Variants in GLI2 observed in about 807,000 individuals in gnomAD.
The protein encoded by GLI2 is GLI family zinc finger 2, also known as transcription activator GLI2.
Under a neutral mutation model 78.9 loss-of-function variants are expected in GLI2, and 22 were observed. The observed-to-expected ratio is 0.28, with a 90% CI of 0.20 to 0.40. GLI2 has a LOEUF of 0.40. GLI2 is among the 10% of genes least tolerant of loss of function. GLI2 has a pLI of 1.00. For missense variants in GLI2, 2,097 were observed against 2,213.2 expected, an observed-to-expected ratio of 0.95 and a Z score of 1.05; for synonymous variants, 974 against 963.7, an observed-to-expected ratio of 1.01 and a Z score of -0.20.
At chr2:120,784,578 G>A (rs890045517) in intron 1 of GLI2, among the ~76,000 whole-genome samples, 1 of 152,040 alleles carries the variant, frequency 6.6e-6, no homozygotes, top group African/African-American at 2.4e-5. Flanking sequence ...CAGACAGTGG[G>A]GAGTCCCGAG....
At chr2:120,935,819 T>A (rs1041946609) in intron 3 of GLI2, among the ~76,000 whole-genome samples, 2 of 152,242 alleles carry the variant, frequency 1.3e-5, no homozygotes, top group African/African-American at 4.8e-5. Context: ...TAATGGAATC[T>A]GGCCTGTAAA....
At chr2:120,936,354 T>A (rs1202039607) in intron 3 of GLI2, among the ~76,000 whole-genome samples, 1 of 152,076 alleles carries the variant, frequency 6.6e-6, no homozygotes, top group Non-Finnish European at 1.5e-5. Flanking sequence ...CTGCTAACAT[T>A]AGAAGGAAAG....
intron 2 of GLI2, among the ~76,000 whole-genome samples, chr2:120,822,634 A>G (rs112366725): frequency 0.01 from 1,527 of 152,324 alleles, 21 homozygotes; most frequent in African/African-American, 0.034. Context: ...ACATATCATT[A>G]TGTTCTTCCC....
At chr2:120,945,542 A>T (rs78558959) in intron 3 of GLI2, among the ~76,000 whole-genome samples, 3,354 of 152,286 alleles carry the variant, frequency 0.022, 132 homozygotes, top group African/African-American at 0.077. Context: ...GGCAGTGGGA[A>T]GCTGTGTGGG....
intron 1 of GLI2, among the ~76,000 whole-genome samples, chr2:120,790,159 C>T (rs562511838): frequency 6.6e-6 from 1 of 152,108 alleles, no homozygotes. Flanking sequence ...TGTCTCCCTT[C>T]GTTGTCCTCA....
chr2:120,771,370 C>T (rs941811784), intron 1 of GLI2, among the ~76,000 whole-genome samples: 1 of 152,234 alleles, frequency 6.6e-6, no homozygotes, highest in Non-Finnish European at 1.5e-5. Flanking sequence ...TCTGTGACCT[C>T]GGGCAAATGG....
At chr2:120,896,938 G>A (rs972150618) in intron 2 of GLI2, among the ~76,000 whole-genome samples, 3 of 152,222 alleles carry the variant, frequency 2.0e-5, no homozygotes, top group Non-Finnish European at 4.4e-5. Flanking sequence ...AAGAAAAAAA[G>A]GGGATCATGA....
At chr2:120,759,196 T>C (rs530901629) in intron 1 of GLI2, among the ~76,000 whole-genome samples, 3 of 152,144 alleles carry the variant, frequency 2.0e-5, no homozygotes, top group African/African-American at 7.2e-5. Flanking sequence ...GTGTGGGGGT[T>C]TTTCTCCATA....
intron 2 of GLI2, among the ~76,000 whole-genome samples, chr2:120,914,287 C>G (rs905786726): frequency 3.9e-5 from 6 of 152,206 alleles, no homozygotes; most frequent in Non-Finnish European, 1.5e-5. Flanking sequence ...GCCACCTGGC[C>G]TAGCCCTGGC....
chr2:120,976,514 C>G (rs1437150478), intron 9 of GLI2, among the ~76,000 whole-genome samples: 1 of 152,290 alleles, frequency 6.6e-6, no homozygotes, highest in East Asian at 1.9e-4. Flanking sequence ...CTAGATGGAG[C>G]AGGGACCGTG....
chr2:120,958,462 G>A (rs998679027), intron 5 of GLI2, among the ~76,000 whole-genome samples: 5 of 152,090 alleles, frequency 3.3e-5, no homozygotes, highest in African/African-American at 9.7e-5. Flanking sequence ...CTCCAAGAGT[G>A]GCGTGTCACC....
chr2:120,912,643 G>A (rs533661036), intron 2 of GLI2, among the ~76,000 whole-genome samples: 10 of 152,334 alleles, frequency 6.6e-5, no homozygotes, highest in East Asian at 3.9e-4. Context: ...CCAGGCGTCC[G>A]AAAGTGTAAC....
At position 120,747,975 on chromosome 2, in the gene GLI2, C is replaced by G. The variant is rs565850813; in HGVS notation, c.-31+11690C>G. 2.0e-5 allele frequency among the ~76,000 whole-genome samples: 3 copies of G among 152,354 alleles called. No individual in the cohort carries two copies. The East Asian group carries it at 5.8e-4, about 29-fold the overall frequency. ...TACTTACTGGAACATCTGTTATGTG[C>G]CCGGCACTTATTAAGCTCACGGCTG... On this transcript the variant is annotated intron_variant, in intron 1 of 13. Coordinates refer to ENST00000361492, the MANE Select transcript of GLI2 (RefSeq NM_001374353.1).
rs559239896 is a variant in GLI2, at chr2:120,767,267, G to T, written c.-30-30024G>T. Among the ~76,000 whole-genome samples the T allele has an allele frequency of 4.6e-5, 7 of 152,004 alleles. No homozygotes were observed. The East Asian group carries it at 1.4e-3, about 30-fold the overall frequency. On this transcript the variant is annotated intron_variant, in intron 1 of 13. Coordinates refer to ENST00000361492, the MANE Select transcript of GLI2 (RefSeq NM_001374353.1). Reference sequence around the variant, plus strand: ...GTGGAGATTGCCGCCAGCACTGATCGCTTTTCCAAGGGTACAGCTGAGTGA... The same window carrying T: ...GTGGAGATTGCCGCCAGCACTGATCTCTTTTCCAAGGGTACAGCTGAGTGA...
At chr2:120,950,121 C>CAA (rs771712855) in intron 3 of GLI2, among the ~76,000 whole-genome samples, 20 of 152,312 alleles carry the variant, frequency 1.3e-4, no homozygotes, top group Non-Finnish European at 2.2e-4. Flanking sequence ...CTTTCATCCT[C>CAA]ACGACAACCC....
chr2:120,809,701 C>T (rs1380476824), intron 2 of GLI2, among the ~76,000 whole-genome samples: 1 of 152,190 alleles, frequency 6.6e-6, no homozygotes, highest in East Asian at 1.9e-4. Flanking sequence ...CAGGGAGGAC[C>T]CTGCTTCCCC....
intron 2 of GLI2, among the ~76,000 whole-genome samples, chr2:120,890,793 G>C (rs1022822233): frequency 6.6e-6 from 1 of 152,164 alleles, no homozygotes; most frequent in Admixed American, 6.5e-5. Flanking sequence ...GGCCTCCTTC[G>C]GGACATCTAT....
Position 120,990,326 on chromosome 2 carries a change from C to G in GLI2, c.4361C>G (p.Ser1454Cys), listed in dbSNP as rs867501490. 2.5e-6 allele frequency: 4 copies of G among 1,613,692 alleles called. No homozygotes were observed. The highest frequency in any genetic ancestry group is 4.5e-5 in the East Asian group (2 of 44,888). ...CTCGGGAGCTGCCAGGTCATGCGGT[C>G]CCAGCCACCACAGCCACAGGCCTGT... is the stretch of plus-strand genomic sequence containing the variant. ...ENLGSCQVMR[S>C]QPPQPQACQD... The change falls in exon 14 of 14, where the codon TCC becomes TGC. Residue 1454 changes from serine (S) to cysteine (C), a missense_variant. Transcript: ENST00000361492.
chr2:120,815,365 A>G (rs998871226), intron 2 of GLI2, among the ~76,000 whole-genome samples: 16 of 152,284 alleles, frequency 1.1e-4, no homozygotes, highest in African/African-American at 3.4e-4. Context: ...GCTGCAAATC[A>G]CCTGTGGGCT....
Sources: allele counts gnomAD v4.1 joint callset (sites outside exome capture counted in the v4.1 genomes callset), GRCh38; gene constraint gnomAD v4.1.1; transcripts MANE v1.5; gene names NCBI Gene and HGNC (gene_info 2026-07-23, HGNC 2026-07-21).